NEMP2: variants seen among roughly 807,000 people sequenced by gnomAD.
NEMP2 encodes UPF0571 transmembrane protein.
In NEMP2, 53 loss-of-function variants were observed where a neutral mutation model predicts 54.2. That is an observed-to-expected ratio of 0.98 (90% CI 0.78 to 1.23). The LOEUF (loss-of-function observed/expected upper bound fraction) is 1.23. NEMP2 is among the 50% of genes most tolerant of loss of function. The pLI is 0.00. For missense variants in NEMP2, 455 were observed against 511.3 expected, an observed-to-expected ratio of 0.89 and a Z score of 1.06; for synonymous variants, 197 against 190.3, an observed-to-expected ratio of 1.04 and a Z score of -0.29.
At chr2:190,589,180 CT>C in the NEMP2 span, among the ~76,000 whole-genome samples, 1 of 152,132 alleles carries the variant, frequency 6.6e-6, no homozygotes, top group Admixed American at 6.6e-5. This position sits in a 1 kb window ranked among gnomAD's most constrained non-coding sequence, Gnocchi z 4.3. Flanking sequence ...ACTGGAGCCT[CT>C]AGCAAAAGGA....
the NEMP2 span, among the ~76,000 whole-genome samples, chr2:190,566,438 GC>G: frequency 1.3e-5 from 2 of 151,892 alleles, no homozygotes; most frequent in African/African-American, 4.8e-5. Context: ...GGGCAGCATG[GC>G]AAAATCCTGT....
chr2:190,635,705 G>T, the NEMP2 span, among the ~76,000 whole-genome samples: 1 of 152,108 alleles, frequency 6.6e-6, no homozygotes, highest in Non-Finnish European at 1.5e-5. This position sits in a 1 kb window ranked among gnomAD's most constrained non-coding sequence, Gnocchi z 4.1. Context: ...GAATATTCTT[G>T]TATGTATCTC....
chr2:190,504,235 A>AAT (rs1363150007), downstream of NEMP2: 2 of 152,214 alleles, frequency 1.3e-5, no homozygotes, highest in Non-Finnish European at 1.5e-5. This position sits in a 1 kb window ranked among gnomAD's most constrained non-coding sequence, Gnocchi z 5.6. Context: ...TGATGTTTAA[A>AAT]ATGAGTTATC....
At chr2:190,461,292 C>T in the NEMP2 span, among the ~76,000 whole-genome samples, 2 of 152,172 alleles carry the variant, frequency 1.3e-5, no homozygotes, top group East Asian at 1.9e-4. The surrounding 1 kb of genome is among the most constrained non-coding windows in gnomAD (Gnocchi z 5.5). Context: ...AGAAAGTAGA[C>T]ATGCACTTGG....
the NEMP2 span, among the ~76,000 whole-genome samples, chr2:190,483,554 G>A: frequency 1.3e-5 from 2 of 152,054 alleles, no homozygotes; most frequent in Admixed American, 1.3e-4. Flanking sequence ...AATGAAAACA[G>A]GGTTGGGCGC....
the NEMP2 span, among the ~76,000 whole-genome samples, chr2:190,587,498 C>T: frequency 1.3e-5 from 2 of 152,140 alleles, no homozygotes; most frequent in African/African-American, 4.8e-5. The surrounding 1 kb of genome is among the most constrained non-coding windows in gnomAD (Gnocchi z 5.4). Flanking sequence ...GAAACTATGG[C>T]AGGCTAATTT....
the NEMP2 span, among the ~76,000 whole-genome samples, chr2:190,584,940 A>AAAGAAAG: frequency 3.3e-5 from 5 of 149,508 alleles, no homozygotes; most frequent in African/African-American, 1.3e-4. The surrounding 1 kb of genome is among the most constrained non-coding windows in gnomAD (Gnocchi z 4.2). Context: ...AGAAAGAAAG[A>AAAGAAAG]AAGAAAGAAA....
the NEMP2 span, chr2:190,488,716 C>A: frequency 6.2e-7 from 1 of 1,608,184 alleles, no homozygotes; most frequent in Non-Finnish European, 8.5e-7. This position sits in a 1 kb window ranked among gnomAD's most constrained non-coding sequence, Gnocchi z 6.4. Context: ...AGCCGTTCCC[C>A]CTGAGCTGAG....
At chr2:190,421,513 A>C in the NEMP2 span, among the ~76,000 whole-genome samples, 1 of 152,122 alleles carries the variant, frequency 6.6e-6, no homozygotes, top group South Asian at 2.1e-4. Flanking sequence ...CCAAAACAAA[A>C]AAACAGACTT....
the NEMP2 span, among the ~76,000 whole-genome samples, chr2:190,497,265 A>G: frequency 2.6e-5 from 4 of 152,192 alleles, no homozygotes; most frequent in African/African-American, 7.2e-5. The surrounding 1 kb of genome is among the most constrained non-coding windows in gnomAD (Gnocchi z 5.2). Context: ...CATCATGTTC[A>G]TTGATTCAGT....
At chr2:190,474,211 A>C in the NEMP2 span, among the ~76,000 whole-genome samples, 1 of 152,174 alleles carries the variant, frequency 6.6e-6, no homozygotes, top group Non-Finnish European at 1.5e-5. Context: ...GAAATAACTA[A>C]GATCAGAGCA....
the NEMP2 span, among the ~76,000 whole-genome samples, chr2:190,432,705 C>A: frequency 6.6e-6 from 1 of 152,182 alleles, no homozygotes; most frequent in Non-Finnish European, 1.5e-5. Context: ...GCGTGAGCCA[C>A]CGCACCTGGC....
chr2:190,515,711 G>A (rs750324767), intron 6 of NEMP2, among the ~76,000 whole-genome samples: 9 of 152,098 alleles, frequency 5.9e-5, no homozygotes, highest in Admixed American at 3.3e-4. Context: ...TGAGAAATTT[G>A]GTGCTAAAGG....
the NEMP2 span, among the ~76,000 whole-genome samples, chr2:190,545,719 G>A: frequency 1.3e-5 from 2 of 152,094 alleles, no homozygotes; most frequent in Non-Finnish European, 2.9e-5. Flanking sequence ...TGGAGGTTGG[G>A]GAACAGAGAT....
chr2:190,536,778 T>C (rs533485846), upstream of NEMP2, among the ~76,000 whole-genome samples: 17 of 152,238 alleles, frequency 1.1e-4, no homozygotes, highest in African/African-American at 4.1e-4. Flanking sequence ...AGTAACCCCC[T>C]GCTAGAGGAA....
chr2:190,500,248 G>A, downstream of NEMP2: 1 of 1,611,558 alleles, frequency 6.2e-7, no homozygotes, highest in Non-Finnish European at 8.5e-7. This position sits in a 1 kb window ranked among gnomAD's most constrained non-coding sequence, Gnocchi z 5.3. Context: ...CACCCTGCAT[G>A]GAATCAGGCT....
chr2:190,477,834 G>A, the NEMP2 span, among the ~76,000 whole-genome samples: 1 of 152,180 alleles, frequency 6.6e-6, no homozygotes, highest in Non-Finnish European at 1.5e-5. Flanking sequence ...GAAGCAGGGA[G>A]TGGGAGGATG....
chr2:190,452,701 G>T, the NEMP2 span, among the ~76,000 whole-genome samples: 7 of 152,200 alleles, frequency 4.6e-5, no homozygotes, highest in South Asian at 1.5e-3. Flanking sequence ...TTTTTCAATG[G>T]TTTCAACCAC....
At chr2:190,586,257 A>G in the NEMP2 span, among the ~76,000 whole-genome samples, 13 of 152,218 alleles carry the variant, frequency 8.5e-5, no homozygotes, top group African/African-American at 3.1e-4. The surrounding 1 kb of genome is among the most constrained non-coding windows in gnomAD (Gnocchi z 4.5). Flanking sequence ...TCACTCACCC[A>G]GCACAGTGTC....
Sources: gnomAD v4.1 joint callset for allele counts (sites outside exome capture counted in the v4.1 genomes callset) on GRCh38, gnomAD v4.1.1 for gene constraint, Gnocchi (gnomAD v3.1) non-coding constraint, MANE v1.5 for transcripts, NCBI Gene and HGNC (gene_info 2026-07-23, HGNC 2026-07-21) for gene names.